The following ZNF503 variants were observed in gnomAD, a reference collection of about 807,000 sequenced individuals.
ZNF503 encodes NocA-like zinc finger 2.
ZNF503 carries 15 observed loss-of-function variants against 34.4 expected under a neutral mutation model. The ratio of observed to expected loss-of-function variants is 0.44; its 90% confidence interval spans 0.29 to 0.67. The LOEUF (loss-of-function observed/expected upper bound fraction) is 0.67. Among genes scored for constraint, ZNF503 ranks in the 30% least tolerant of loss-of-function variants. The pLI is 0.13. For missense variants in ZNF503, 1,007 were observed against 926.8 expected, an observed-to-expected ratio of 1.09 and a Z score of -1.12; for synonymous variants, 580 against 456.8, an observed-to-expected ratio of 1.27 and a Z score of -3.44.
At chr10:75,377,853 G>A in the ZNF503 span, among the ~76,000 whole-genome samples, 1 of 152,258 alleles carries the variant, frequency 6.6e-6, no homozygotes, top group East Asian at 1.9e-4. Context: ...AAGAAAAGGA[G>A]TTTTATTGGC....
chr10:75,346,245 A>G, the ZNF503 span, among the ~76,000 whole-genome samples: 1 of 152,120 alleles, frequency 6.6e-6, no homozygotes, highest in Non-Finnish European at 1.5e-5. Context: ...CCTTGTGTAC[A>G]GGTCTGGCTT....
downstream of ZNF503, among the ~76,000 whole-genome samples, chr10:75,396,479 C>G (rs915055369): frequency 1.3e-5 from 2 of 152,092 alleles, no homozygotes; most frequent in Non-Finnish European, 2.9e-5. This position sits in a 1 kb window ranked among gnomAD's most constrained non-coding sequence, Gnocchi z 4.4. Flanking sequence ...GCCCTGCAGC[C>G]GTGAGGCTGG....
At chr10:75,330,320 T>C in the ZNF503 span, among the ~76,000 whole-genome samples, 4 of 152,192 alleles carry the variant, frequency 2.6e-5, no homozygotes, top group Non-Finnish European at 5.9e-5. Flanking sequence ...GCTTTGGTTG[T>C]TGTGTCTTTG....
intron 1 of ZNF503, among the ~76,000 whole-genome samples, chr10:75,400,627 C>T (rs1470642450): frequency 6.6e-6 from 1 of 152,140 alleles, no homozygotes; most frequent in Non-Finnish European, 1.5e-5. Flanking sequence ...CCTCTCTGAG[C>T]GCTAACTAGA....
intron 1 of ZNF503, 97 bp from the exon 2 acceptor site, chr10:75,400,471 C>T: frequency 6.9e-7 from 1 of 1,454,416 alleles, no homozygotes; most frequent in Non-Finnish European, 9.0e-7. Flanking sequence ...CTCTCCGCAA[C>T]AGCCCACGAA....
the ZNF503 span, among the ~76,000 whole-genome samples, chr10:75,366,944 C>T: frequency 1.3e-5 from 2 of 152,220 alleles, no homozygotes; most frequent in African/African-American, 4.8e-5. Context: ...GGCTCCTCCC[C>T]TTTCCTGATT....
the ZNF503 span, among the ~76,000 whole-genome samples, chr10:75,334,212 C>T: frequency 0.014 from 2,046 of 150,402 alleles, 62 homozygotes; most frequent in African/African-American, 0.047. Context: ...TCGGGCCCCG[C>T]GGGGCCCGTC....
Position 75,399,337 on chromosome 10 carries a change from G to C in ZNF503, c.1353C>G (p.Cys451Trp). 2.5e-6 allele frequency: 4 copies of C among 1,604,888 alleles called. No individual in the cohort carries two copies. Among genetic ancestry groups the C allele is most frequent in the African/African-American group, 1.3e-5 (1 of 74,930 alleles). The part of the protein sequence containing the change: ...LAGAAAASAS[C>W]AHDPAAAAAA... ...CAGCCGCAGCAGCCGGATCATGTGC[G>C]CAAGAAGCGCTGGCGGCCGCCGCCC... The change falls in exon 2 of 2, where the codon TGC (cysteine) becomes TGG (tryptophan). Residue 451 changes from cysteine (C) to tryptophan (W), a missense_variant. Transcript: ENST00000372524.
At position 75,400,533 on chromosome 10, in the gene ZNF503, C is replaced by T. The variant is rs369834388; in HGVS notation, c.316-159G>A. 5.3e-5 allele frequency among the ~76,000 whole-genome samples: 8 copies of T among 152,306 alleles called. No individual in the cohort carries two copies. The East Asian group carries it at 9.7e-4, about 18-fold the overall frequency. ...CTAGGCGGCACCCCCTCTTCAACAC[C>T]CACTCACAAACATTCTCGCCGTTGG... On this transcript the variant is annotated intron_variant, in intron 1 of 1. Transcript: ENST00000372524.
chr10:75,316,865 A>C, the ZNF503 span, among the ~76,000 whole-genome samples: 4 of 152,236 alleles, frequency 2.6e-5, no homozygotes, highest in Non-Finnish European at 5.9e-5. Flanking sequence ...GAGACAAATG[A>C]AAATGGAAAC....
the ZNF503 span, among the ~76,000 whole-genome samples, chr10:75,355,001 G>A: frequency 2.2e-4 from 33 of 150,442 alleles, no homozygotes; most frequent in African/African-American, 8.2e-4. Flanking sequence ...ACCACGCCCA[G>A]CTAACTTTTT....
At chr10:75,317,088 C>T in the ZNF503 span, among the ~76,000 whole-genome samples, 1 of 152,028 alleles carries the variant, frequency 6.6e-6, no homozygotes, top group African/African-American at 2.4e-5. Flanking sequence ...ACTACAGGTG[C>T]ACACCACCAC....
chr10:75,367,306 C>A, the ZNF503 span, among the ~76,000 whole-genome samples: 1 of 152,134 alleles, frequency 6.6e-6, no homozygotes, highest in Non-Finnish European at 1.5e-5. Context: ...ACCCCACCCA[C>A]GCACGGGAAA....
At chr10:75,388,831 G>C in the ZNF503 span, among the ~76,000 whole-genome samples, 1 of 152,168 alleles carries the variant, frequency 6.6e-6, no homozygotes, top group African/African-American at 2.4e-5. Flanking sequence ...GCCCCTCAGG[G>C]CATGTCCAAA....
At chr10:75,331,677 T>C in the ZNF503 span, among the ~76,000 whole-genome samples, 2 of 152,174 alleles carry the variant, frequency 1.3e-5, no homozygotes, top group African/African-American at 2.4e-5. Flanking sequence ...TAAGATCAAA[T>C]GTAGAGATGA....
At chr10:75,286,603 ATT>A in the ZNF503 span, among the ~76,000 whole-genome samples, 1 of 152,188 alleles carries the variant, frequency 6.6e-6, no homozygotes, top group Admixed American at 6.5e-5. Flanking sequence ...AGGATAATGG[ATT>A]GTACCTGCTC....
At chr10:75,354,734 C>A in the ZNF503 span, among the ~76,000 whole-genome samples, 65 of 151,422 alleles carry the variant, frequency 4.3e-4, no homozygotes, top group African/African-American at 1.4e-3. Context: ...AACAAACAAA[C>A]AAAAAAAAAC....
intron 1 of ZNF503, among the ~76,000 whole-genome samples, chr10:75,400,752 G>A (rs866460677): frequency 7.9e-5 from 12 of 152,222 alleles, no homozygotes; most frequent in African/African-American, 2.7e-4. Flanking sequence ...GCGCCTCAGA[G>A]GCTGTGTGCA....
the ZNF503 span, among the ~76,000 whole-genome samples, chr10:75,384,351 T>G: frequency 1.3e-5 from 2 of 151,704 alleles, no homozygotes; most frequent in Non-Finnish European, 2.9e-5. Context: ...CACATACAAA[T>G]TCACAAACAC....
Sources: gnomAD v4.1 joint callset for allele counts (sites outside exome capture counted in the v4.1 genomes callset) on GRCh38, gnomAD v4.1.1 for gene constraint, Gnocchi (gnomAD v3.1) non-coding constraint, MANE v1.5 for transcripts, NCBI Gene and HGNC (gene_info 2026-07-23, HGNC 2026-07-21) for gene names.